MAG: variants seen among roughly 807,000 people sequenced by gnomAD.
MAG encodes the protein myelin associated glycoprotein.
A neutral mutation model predicts 60.7 loss-of-function variants in MAG; 30 were observed. That is an observed-to-expected ratio of 0.49 (90% CI 0.37 to 0.67). The LOEUF (loss-of-function observed/expected upper bound fraction) is 0.67. Ranked by LOEUF, MAG falls within the 30% of genes least tolerant of loss-of-function variation. The pLI is 0.00. For missense variants in MAG, 795 were observed against 851.7 expected (o/e 0.93, Z 0.83); for synonymous variants, 384 against 376.8 (o/e 1.02, Z -0.22).
intron 1 of MAG, 110 bp downstream of exon 1, chr19:35,292,314 C>T (rs947491569): frequency 2.0e-5 from 9 of 452,662 alleles, no homozygotes; most frequent in Admixed American, 7.1e-5. Flanking sequence ...CGCTGTGCAC[C>T]GCTACTGATT....
At chr19:35,303,312 T>C (rs1259529406) in intron 7 of MAG, among the ~76,000 whole-genome samples, 1 of 152,288 alleles carries the variant, frequency 6.6e-6, no homozygotes, top group East Asian at 1.9e-4. Context: ...ATCTCTAACC[T>C]GTGTAGAGTG....
At chr19:35,304,373 A>T (rs1446032306) in intron 7 of MAG, among the ~76,000 whole-genome samples, 1 of 152,074 alleles carries the variant, frequency 6.6e-6, no homozygotes, top group Non-Finnish European at 1.5e-5. Flanking sequence ...AGCCGATGGG[A>T]GTACTTGAAC....
chr19:35,311,378 C>A (rs1407019670), intron 9 of MAG, among the ~76,000 whole-genome samples: 1 of 152,044 alleles, frequency 6.6e-6, no homozygotes, highest in Middle Eastern at 3.2e-3. Flanking sequence ...GAGGGAAGAT[C>A]GCTTGAGCCT....
At chr19:35,302,239 A>C (rs919570985) in intron 6 of MAG, among the ~76,000 whole-genome samples, 16 of 152,186 alleles carry the variant, frequency 1.1e-4, no homozygotes, top group African/African-American at 3.9e-4. Context: ...ACAACTGGAC[A>C]GGGGTAGAGT....
intron 4 of MAG, among the ~76,000 whole-genome samples, chr19:35,297,625 ACAC>A (rs2066410517): frequency 6.8e-6 from 1 of 147,492 alleles, no homozygotes; most frequent in African/African-American, 2.5e-5. Flanking sequence ...CACACTGCAC[ACAC>A]TACCCACACA....
In MAG at chr19:35,310,633, A is replaced by C; in HGVS notation, c.1606A>C (p.Thr536Pro). 6.2e-7 allele frequency: 1 copy of C among 1,613,936 alleles called. No individual in the cohort carries two copies. The highest frequency in any genetic ancestry group is 1.3e-5 in the African/African-American group (1 of 75,024). Reference protein sequence around the residue: ...LIAIVCYITQTRRKKNVTESP... With the variant: ...LIAIVCYITQPRRKKNVTESP... ...TGCCATCGTCTGCTACATTACCCAG[A>C]CACGCAGGAAGTGAGTGCCAGCTGG... Residue 536 changes from threonine to proline, a missense_variant, in exon 9 of 11, where the codon ACA becomes CCA. Physicochemically the swap from Thr to Pro is conservative, Grantham distance 38. Transcript: ENST00000392213.
intron 4 of MAG, among the ~76,000 whole-genome samples, chr19:35,298,091 CCA>C (rs956933528): frequency 2.0e-5 from 3 of 149,396 alleles, no homozygotes; most frequent in Non-Finnish European, 4.5e-5. Context: ...ACTACACACA[CCA>C]CACACTACAC....
intron 4 of MAG, among the ~76,000 whole-genome samples, chr19:35,299,249 A>C (rs908163790): frequency 9.9e-5 from 15 of 152,148 alleles, no homozygotes; most frequent in African/African-American, 3.4e-4. Flanking sequence ...AATGAGCAAA[A>C]TTACAGTCCT....
intron 9 of MAG, 104 bp downstream of exon 9, chr19:35,310,747 T>G: frequency 1.1e-6 from 1 of 915,080 alleles, no homozygotes; most frequent in Non-Finnish European, 1.7e-6. Context: ...ACCATAAGTG[T>G]AGAGAAGGCA....
At chr19:35,296,530 T>G (rs977136621) in intron 4 of MAG, among the ~76,000 whole-genome samples, 37 of 152,128 alleles carry the variant, frequency 2.4e-4, no homozygotes, top group Non-Finnish European at 5.0e-4. Context: ...ATTCTTAAAT[T>G]TTGGTTGCTG....
intron 7 of MAG, 72 bp downstream of exon 7, chr19:35,302,780 C>A (rs1471906530): frequency 1.2e-5 from 18 of 1,560,354 alleles, no homozygotes; most frequent in Non-Finnish European, 1.4e-5. Context: ...CTGTGGGTGC[C>A]CACGCATCCC....
At chr19:35,312,045 G>A (rs761046200) in intron 10 of MAG, 28 bp downstream of exon 10, 101 of 1,597,692 alleles carry the variant, frequency 6.3e-5, no homozygotes, top group Non-Finnish European at 8.3e-5. Context: ...GGCTGGCCTG[G>A]GAACCTGGAT....
chr19:35,302,774 G>T, intron 7 of MAG, 66 bp downstream of exon 7: 1 of 1,574,294 alleles, frequency 6.4e-7, no homozygotes, highest in Non-Finnish European at 8.6e-7. Context: ...GGGTTACTGT[G>T]GGTGCCCACG....
intron 4 of MAG, among the ~76,000 whole-genome samples, chr19:35,297,291 C>CCACACACCACA (rs539463050): frequency 1.5e-5 from 2 of 135,246 alleles, no homozygotes; most frequent in African/African-American, 5.5e-5. Context: ...CACACACTAC[C>CCACACACCACA]CACACACCAC....
In MAG at chr19:35,313,378, T is replaced by C. The variant is rs1336871328; in HGVS notation, c.1805T>C (p.Leu602Pro). ...GACCTGAGCTATTCTCACTCGGACC[T>C]GGGGAAACGGCCCACCAAGGACAGC... ...ELDLSYSHSD[L>P]GKRPTKDSYT... Residue 602 changes from leucine to proline, a missense_variant, in exon 11 of 11, where the codon CTG (leucine) becomes CCG (proline). By Grantham distance (98) the Leu-to-Pro change is moderately conservative. Coordinates refer to ENST00000392213, the MANE Select transcript of MAG (RefSeq NM_002361.4). The C allele has an allele frequency of 6.2e-7, 1 of 1,614,090 alleles. No individual in the cohort carries two copies. Among genetic ancestry groups the C allele is most frequent in the Admixed American group, 1.7e-5 (1 of 60,010 alleles).
rs67343866 is a variant in MAG at position 35,301,429 on chromosome 19, C to CTTTT, written c.971-1001_971-998dup. On this transcript the variant is annotated intron_variant, in intron 6 of 10. Coordinates refer to ENST00000392213, the MANE Select transcript of MAG (RefSeq NM_002361.4). Reference sequence around the variant, plus strand: ...ACATTTACTCCACAGCTCTTGAGTGCTTTTTTTTTTTTTTTTTTTTTGAGA... The same window carrying CTTTT: ...ACATTTACTCCACAGCTCTTGAGTGCTTTTTTTTTTTTTTTTTTTTTTTTTGAGA... 3.6e-3 allele frequency among the ~76,000 whole-genome samples: 385 copies of CTTTT among 105,664 alleles called. 13 individuals are homozygous for CTTTT. Among genetic ancestry groups the CTTTT allele is most frequent in the Non-Finnish European group, 5.3e-3 (286 of 54,390 alleles). The allele number at this position is 105,664 out of a possible 152,430, so 69.3% of individuals were successfully genotyped here. A position where few individuals can be genotyped will look rare whatever the true frequency, so the allele number is the denominator to read the frequency against.
At position 35,293,870 on chromosome 19, in the gene MAG, T is replaced by C. The variant is rs1329976133; in HGVS notation, c.-79-365T>C. ...GAGGGCGGCAGGAATTCACGCGGCA[T>C]GTCGGGAATGCTGATACTGTGAAAC... On this transcript the variant is annotated intron_variant, in intron 1 of 10. Coordinates refer to ENST00000392213, the MANE Select transcript of MAG (RefSeq NM_002361.4). The surrounding 1 kb of genome is among the most constrained non-coding windows in gnomAD (Gnocchi z 4.0). Among the ~76,000 whole-genome samples, 1 of 151,990 alleles carries C rather than the reference T, an allele frequency of 6.6e-6. No homozygotes were observed. The highest frequency in any genetic ancestry group is 2.4e-5 in the African/African-American group (1 of 41,362).
Position 35,310,575 on chromosome 19 carries a change from T to C in MAG, c.1548T>C (p.Pro516=). The part of the protein sequence containing the change: ...AHRLMWAKIG[P]VGAVVAFAIL... ...GACTGATGTGGGCCAAGATCGGGCC[T>C]GTGGGCGCCGTGGTCGCCTTTGCCA... Residue 516 remains proline (P), a synonymous_variant, in exon 9 of 11, where the codon CCT becomes CCC. Transcript: ENST00000392213. 2.5e-6 allele frequency: 4 copies of C among 1,614,168 alleles called. No individual in the cohort carries two copies. Among genetic ancestry groups the C allele is most frequent in the Non-Finnish European group, 3.4e-6 (4 of 1,180,038 alleles).
chr19:35,303,841 G>A (rs893755188), intron 7 of MAG, among the ~76,000 whole-genome samples: 3 of 151,394 alleles, frequency 2.0e-5, no homozygotes, highest in African/African-American at 7.3e-5. Context: ...TAGCAGCCAA[G>A]TCACAGTTTT....
Sources: gnomAD v4.1 joint callset for allele counts (sites outside exome capture counted in the v4.1 genomes callset) on GRCh38, gnomAD v4.1.1 for gene constraint, Gnocchi (gnomAD v3.1) non-coding constraint, MANE v1.5 for transcripts, NCBI Gene and HGNC (gene_info 2026-07-23, HGNC 2026-07-21) for gene names.